Variants in ZMYND11 observed in about 807,000 individuals in gnomAD.
ZMYND11 encodes zinc finger MYND domain-containing protein 11.
In ZMYND11, 9 loss-of-function variants were observed where a neutral mutation model predicts 84.9. That is an observed-to-expected ratio of 0.11 (90% CI 0.06 to 0.18). The LOEUF is 0.18. ZMYND11 is among the 10% of genes least tolerant of loss of function. The pLI is 1.00. For missense variants in ZMYND11, 409 were observed against 761.0 expected (o/e 0.54, Z 5.44); for synonymous variants, 250 against 244.1 (o/e 1.02, Z -0.23).
At chr10:235,084 T>C (rs1007412430) in intron 4 of ZMYND11, among the ~76,000 whole-genome samples, 1 of 151,984 alleles carries the variant, frequency 6.6e-6, no homozygotes, top group African/African-American at 2.4e-5. Context: ...TTAGCTCTAT[T>C]TCGCCATTGC....
chr10:143,062 A>C (rs1554754331), intron 1 of ZMYND11, among the ~76,000 whole-genome samples: 2 of 152,222 alleles, frequency 1.3e-5, no homozygotes, highest in Non-Finnish European at 2.9e-5. Flanking sequence ...TGGAAAGGGA[A>C]GTCATTGTCT....
At chr10:171,378 A>G (rs1564311377) in intron 1 of ZMYND11, among the ~76,000 whole-genome samples, 1 of 152,116 alleles carries the variant, frequency 6.6e-6, no homozygotes, top group Non-Finnish European at 1.5e-5. Flanking sequence ...GTTCTTCTGA[A>G]GGTCACACAG....
intron 1 of ZMYND11, among the ~76,000 whole-genome samples, chr10:160,179 A>G (rs1291968523): frequency 3.3e-5 from 5 of 152,238 alleles, no homozygotes; most frequent in African/African-American, 1.2e-4. Context: ...CACCACAACA[A>G]AGTGAATATC....
At chr10:206,846 T>A (rs945426741) in intron 2 of ZMYND11, among the ~76,000 whole-genome samples, 1 of 152,070 alleles carries the variant, frequency 6.6e-6, no homozygotes, top group East Asian at 1.9e-4. Flanking sequence ...TTTTAATTTT[T>A]TTATTATTAT....
At chr10:167,522 T>A (rs1379397757) in intron 1 of ZMYND11, among the ~76,000 whole-genome samples, 1 of 152,284 alleles carries the variant, frequency 6.6e-6, no homozygotes, top group Admixed American at 6.5e-5. Context: ...AATGACCTGT[T>A]TTGCTATCAG....
At chr10:247,064 T>G in intron 11 of ZMYND11, 91 bp downstream of exon 11, 1 of 1,309,980 alleles carries the variant, frequency 7.6e-7, no homozygotes, top group Non-Finnish European at 1.1e-6. Context: ...TGAACAGATT[T>G]TGACGTTCTC....
At chr10:202,793 T>G (rs527892300) in intron 2 of ZMYND11, among the ~76,000 whole-genome samples, 74 of 152,296 alleles carry the variant, frequency 4.9e-4, no homozygotes, top group Non-Finnish European at 7.9e-4. Context: ...TGACTTTATT[T>G]CACTTTAAAA....
At chr10:201,141 C>T (rs1322398700) in intron 2 of ZMYND11, among the ~76,000 whole-genome samples, 1 of 152,010 alleles carries the variant, frequency 6.6e-6, no homozygotes, top group Non-Finnish European at 1.5e-5. Flanking sequence ...AGCCAGTACA[C>T]TGAGCCAGTA....
chr10:144,602 A>T (rs1838274805), intron 1 of ZMYND11, among the ~76,000 whole-genome samples: 1 of 144,358 alleles, frequency 6.9e-6, no homozygotes, highest in Non-Finnish European at 1.5e-5. Flanking sequence ...AATTTAGCAT[A>T]GTGGTTCTCA....
In ZMYND11 at chr10:247,394, A is replaced by G. The variant is rs1335474621; in HGVS notation, c.1159-4A>G. 6.2e-7 allele frequency: 1 copy of G among 1,614,008 alleles called. No individual in the cohort carries two copies. Among genetic ancestry groups the G allele is most frequent in the South Asian group, 1.1e-5 (1 of 91,064 alleles). The stretch of plus-strand genomic sequence containing the variant: ...ATAATATATTACTTTTATAATGCCC[A>G]CAGCTAAAGGTCACTCAAGAACCAA... On this transcript the variant is annotated splice_region_variant and splice_polypyrimidine_tract_variant and intron_variant, in intron 11 of 14. Transcript: ENST00000381604.
intron 2 of ZMYND11, among the ~76,000 whole-genome samples, chr10:206,789 T>G (rs1369464587): frequency 6.6e-6 from 1 of 152,184 alleles, no homozygotes; most frequent in East Asian, 1.9e-4. Context: ...GTAACACATT[T>G]TCTTTGAGTT....
rs1241449992 is a variant in ZMYND11, at chr10:192,999, T to C, written c.116+12871T>C. ...ATTCTGTCATCTGTTTATTTAACTT[T>C]TTCCATAGTTTTATTTCTTGAACAG... is the stretch of plus-strand genomic sequence containing the variant. On this transcript the variant is annotated intron_variant, in intron 2 of 14. Coordinates refer to ENST00000381604, the MANE Select transcript of ZMYND11 (RefSeq NM_001370100.5). Among the ~76,000 whole-genome samples, 3 of 152,258 alleles carry C rather than the reference T, an allele frequency of 2.0e-5. No individual in the cohort carries two copies. In the East Asian group the frequency reaches 5.8e-4, roughly 29 times the overall value.
intron 1 of ZMYND11, among the ~76,000 whole-genome samples, chr10:140,670 A>G (rs1554753763): frequency 6.6e-6 from 1 of 152,190 alleles, no homozygotes; most frequent in Non-Finnish European, 1.5e-5. Context: ...TTTCTTTTAA[A>G]GAGAATTTAG....
chr10:220,465 G>T (rs964235936), intron 3 of ZMYND11, among the ~76,000 whole-genome samples: 2 of 151,994 alleles, frequency 1.3e-5, no homozygotes, highest in Non-Finnish European at 2.9e-5. Context: ...TCAAAAATAA[G>T]AACATGTTGA....
chr10:131,545 G>GAGAAAC (rs2130988193), upstream of ZMYND11, among the ~76,000 whole-genome samples: 1 of 152,130 alleles, frequency 6.6e-6, no homozygotes, highest in East Asian at 1.9e-4. Flanking sequence ...GTTTCTCCTG[G>GAGAAAC]AGAACGTCTT....
chr10:252,434 C>T lies in ZMYND11; in HGVS notation c.1773C>T (p.His591=), dbSNP rs771032044. 43 of 1,613,302 alleles carry T rather than the reference C, an allele frequency of 2.7e-5. No individual in the cohort carries two copies. The African/African-American group carries it at 2.7e-4, about 10-fold the overall frequency. Residue 591 remains histidine (H), a synonymous_variant, in exon 15 of 15, where the codon CAC becomes CAT. Transcript: ENST00000381604. This position sits in a 1 kb window ranked among gnomAD's most constrained non-coding sequence, Gnocchi z 4.6. The stretch of plus-strand genomic sequence containing the variant: ...TCAAGTGCCAGCAGGAGCACTGGCA[C>T]GCGGAGCACAAGCGCACCTGCCGCC... ...CSIKCQQEHW[H]AEHKRTCRRK...
intron 2 of ZMYND11, among the ~76,000 whole-genome samples, chr10:204,897 GATTAT>G (rs1343082206): frequency 1.3e-5 from 2 of 151,308 alleles, no homozygotes; most frequent in Non-Finnish European, 2.9e-5. Flanking sequence ...TTTAATATTA[GATTAT>G]ATTCAAATAT....
At chr10:157,783 TTA>T (rs1554759825) in intron 1 of ZMYND11, among the ~76,000 whole-genome samples, 1 of 152,192 alleles carries the variant, frequency 6.6e-6, no homozygotes, top group Non-Finnish European at 1.5e-5. Context: ...TCTACTGTAT[TTA>T]CAAGGTATTG....
At chr10:201,803 G>A (rs1943226184) in intron 2 of ZMYND11, among the ~76,000 whole-genome samples, 1 of 151,898 alleles carries the variant, frequency 6.6e-6, no homozygotes, top group African/African-American at 2.4e-5. Flanking sequence ...TGAGGAGGAA[G>A]TTATTGAAAA....
Sources: gnomAD v4.1 joint callset for allele counts (sites outside exome capture counted in the v4.1 genomes callset) on GRCh38, gnomAD v4.1.1 for gene constraint, Gnocchi (gnomAD v3.1) non-coding constraint, MANE v1.5 for transcripts, NCBI Gene and HGNC (gene_info 2026-07-23, HGNC 2026-07-21) for gene names.